The following EPHA6 variants were observed in gnomAD, a reference collection of about 807,000 sequenced individuals.
EPHA6 encodes EPH receptor A6.
Under a neutral mutation model 112.0 loss-of-function variants are expected in EPHA6, and 50 were observed. The ratio of observed to expected loss-of-function variants is 0.45; its 90% CI spans 0.36 to 0.56. The LOEUF (loss-of-function observed/expected upper bound fraction) is 0.56. Ranked by LOEUF, EPHA6 falls within the 20% of genes least tolerant of loss-of-function variation. EPHA6 has a pLI of 0.00. For missense variants in EPHA6, 1,280 were observed against 1,417.4 expected, an observed-to-expected ratio of 0.90 and a Z score of 1.56; for synonymous variants, 529 against 490.7, an observed-to-expected ratio of 1.08 and a Z score of -1.03.
At chr3:96,960,285 G>A (rs572314994) in intron 2 of EPHA6, among the ~76,000 whole-genome samples, 2 of 152,244 alleles carry the variant, frequency 1.3e-5, no homozygotes, top group Non-Finnish European at 2.9e-5. Context: ...CCATTAATGG[G>A]TTTGAAGTCA....
intron 2 of EPHA6, among the ~76,000 whole-genome samples, chr3:96,899,393 T>G (rs2038478526): frequency 6.6e-6 from 1 of 152,206 alleles, no homozygotes; most frequent in African/African-American, 2.4e-5. Flanking sequence ...TAAGATAATA[T>G]ATTTTTACCA....
At chr3:97,451,521 C>G (rs957326952) in intron 7 of EPHA6, among the ~76,000 whole-genome samples, 2 of 150,558 alleles carry the variant, frequency 1.3e-5, no homozygotes, top group Non-Finnish European at 3.0e-5. Flanking sequence ...TTGTGTAAAC[C>G]TGATGTTTGA....
At chr3:96,998,060 A>G (rs1312032202) in intron 3 of EPHA6, among the ~76,000 whole-genome samples, 2 of 151,792 alleles carry the variant, frequency 1.3e-5, no homozygotes, top group Non-Finnish European at 2.9e-5. Flanking sequence ...TCCATATTTT[A>G]TTCTGTTAAC....
In EPHA6 at chr3:97,127,212, A is replaced by G. The variant is rs567982444; in HGVS notation, c.1115-99052A>G. The stretch of plus-strand genomic sequence containing the variant: ...CAGTCAGGGAGAAATGTAATTGTAC[A>G]AAGGGATATGATCTAATGGTAATAA... On this transcript the variant is annotated intron_variant, in intron 3 of 17. Transcript: ENST00000389672. Among the ~76,000 whole-genome samples the G allele has an allele frequency of 2.6e-5, 4 of 152,304 alleles. No individual in the cohort carries two copies. The South Asian group carries it at 8.3e-4, about 32-fold the overall frequency.
intron 14 of EPHA6, among the ~76,000 whole-genome samples, chr3:97,662,135 A>C (rs748859179): frequency 6.6e-6 from 1 of 152,122 alleles, no homozygotes; most frequent in Non-Finnish European, 1.5e-5. Flanking sequence ...AGCTGAGGGA[A>C]AAAAGAGAAA....
chr3:96,907,155 A>G (rs1440850493), intron 2 of EPHA6, among the ~76,000 whole-genome samples: 2 of 152,084 alleles, frequency 1.3e-5, no homozygotes, highest in East Asian at 1.9e-4. Flanking sequence ...TTTGATTTCT[A>G]TTATATCATT....
At chr3:97,625,458 A>C (rs1423604552) in intron 13 of EPHA6, among the ~76,000 whole-genome samples, 1 of 151,734 alleles carries the variant, frequency 6.6e-6, no homozygotes, top group Admixed American at 6.6e-5. Flanking sequence ...TTATTGTCTA[A>C]CATATGGCTT....
intron 11 of EPHA6, among the ~76,000 whole-genome samples, chr3:97,587,317 C>T (rs980458622): frequency 6.6e-6 from 1 of 151,734 alleles, no homozygotes; most frequent in African/African-American, 2.4e-5. Flanking sequence ...TGTTCATGTT[C>T]CTATCATTAA....
chr3:96,844,128 G>A (rs1467269523), intron 1 of EPHA6, among the ~76,000 whole-genome samples: 1 of 151,994 alleles, frequency 6.6e-6, no homozygotes, highest in East Asian at 1.9e-4. Flanking sequence ...GCCACAAGGA[G>A]TATCAGCTCA....
intron 1 of EPHA6, among the ~76,000 whole-genome samples, chr3:96,815,932 C>T (rs191055025): frequency 6.6e-6 from 1 of 152,210 alleles, no homozygotes; most frequent in South Asian, 2.1e-4. Flanking sequence ...GATATTCTCT[C>T]ACTCGTGCTG....
chr3:97,148,306 C>A (rs1247366119), intron 3 of EPHA6, among the ~76,000 whole-genome samples: 2 of 151,912 alleles, frequency 1.3e-5, no homozygotes, highest in East Asian at 1.9e-4. Flanking sequence ...TCCATTTCTA[C>A]AAAATAAAAA....
chr3:97,283,786 CTT>C (rs556336712), intron 5 of EPHA6, among the ~76,000 whole-genome samples: 8 of 152,032 alleles, frequency 5.3e-5, no homozygotes, highest in South Asian at 4.2e-4. Flanking sequence ...AATAATGAAA[CTT>C]ATTATCAAGC....
chr3:97,312,496 G>T (rs534422202), intron 5 of EPHA6, among the ~76,000 whole-genome samples: 1 of 151,410 alleles, frequency 6.6e-6, no homozygotes, highest in Non-Finnish European at 1.5e-5. Flanking sequence ...TGGATTTCAG[G>T]TTTTTCATAT....
intron 6 of EPHA6, among the ~76,000 whole-genome samples, chr3:97,406,217 A>G (rs2087334131): frequency 6.6e-6 from 1 of 152,166 alleles, no homozygotes; most frequent in Non-Finnish European, 1.5e-5. Flanking sequence ...CTACTTTCTT[A>G]GTTTATTTTG....
intron 2 of EPHA6, among the ~76,000 whole-genome samples, chr3:96,977,797 CAT>C (rs2042593041): frequency 1.3e-5 from 2 of 152,124 alleles, no homozygotes; most frequent in Admixed American, 6.6e-5. Context: ...TTGATTAACA[CAT>C]AGTTTCTATG....
rs759289949 is a variant in EPHA6, at chr3:96,814,662, G to C, written c.39G>C (p.Pro13=). The change falls in exon 1 of 18, where the codon CCG becomes CCC. Residue 13 remains proline (P), a synonymous_variant. Transcript: ENST00000389672. ...FPSPPAARSS[P]APQAASSSEA... ...CGCCTCCAGCCGCGAGGAGCTCCCC[G>C]GCGCCGCAGGCAGCGTCCTCCTCCG... is the stretch of plus-strand genomic sequence containing the variant. The C allele has an allele frequency of 1.4e-6, 2 of 1,477,428 alleles. No homozygotes were observed. The highest frequency in any genetic ancestry group is 4.7e-5 in the East Asian group (2 of 42,494). 91.5% of individuals were successfully genotyped at this position (1,477,428 alleles called of 1,614,324 possible). A position where few individuals can be genotyped will look rare whatever the true frequency, so the allele number is the denominator to read the frequency against.
chr3:97,155,866 T>C (rs2076277428), intron 3 of EPHA6, among the ~76,000 whole-genome samples: 1 of 152,060 alleles, frequency 6.6e-6, no homozygotes, highest in African/African-American at 2.4e-5. Context: ...TGCAGCCACC[T>C]CTCCCTTCAA....
chr3:97,731,208 C>G (rs2035019639), intron 15 of EPHA6, among the ~76,000 whole-genome samples: 1 of 152,126 alleles, frequency 6.6e-6, no homozygotes, highest in Admixed American at 6.6e-5. Context: ...ACAGGAAAGG[C>G]AGAGGCCCAG....
At chr3:97,023,660 T>G in intron 3 of EPHA6, among the ~76,000 whole-genome samples, 1 of 144,110 alleles carries the variant, frequency 6.9e-6, no homozygotes, top group Admixed American at 6.9e-5. Flanking sequence ...AAATGTTAAA[T>G]TTTTTTTTTT....
Sources: allele counts gnomAD v4.1 joint callset (sites outside exome capture counted in the v4.1 genomes callset), GRCh38; gene constraint gnomAD v4.1.1; transcripts MANE v1.5; gene names NCBI Gene and HGNC (gene_info 2026-07-23, HGNC 2026-07-21).